The following GPHN variants were observed in gnomAD, a reference collection of about 807,000 sequenced individuals.
The protein encoded by GPHN is gephyrin.
GPHN carries 17 observed loss-of-function variants against 95.5 expected under a neutral mutation model. The ratio of observed to expected loss-of-function variants is 0.18; its 90% CI spans 0.12 to 0.27. GPHN has a LOEUF of 0.27. Ranked by LOEUF, GPHN falls within the 10% of genes least tolerant of loss-of-function variation. The probability of loss-of-function intolerance (pLI) is 1.00; values close to 1 mark genes in which losing one functional copy is unlikely to be tolerated. For missense variants in GPHN, 660 were observed against 978.1 expected, an observed-to-expected ratio of 0.67 and a Z score of 4.34; for synonymous variants, 320 against 322.5, an observed-to-expected ratio of 0.99 and a Z score of 0.08.
At chr14:67,071,804 A>T (rs1218461023) in intron 11 of GPHN, among the ~76,000 whole-genome samples, 2 of 152,070 alleles carry the variant, frequency 1.3e-5, no homozygotes, top group Non-Finnish European at 2.9e-5. Flanking sequence ...AGTATATTAT[A>T]AATAAAAAGT....
At chr14:67,517,961 T>C in the GPHN span, among the ~76,000 whole-genome samples, 18 of 152,162 alleles carry the variant, frequency 1.2e-4, no homozygotes, top group Admixed American at 1.1e-3. Flanking sequence ...GCTGTAGAAA[T>C]GGACTTTAAA....
At chr14:67,444,975 T>C in the GPHN span, among the ~76,000 whole-genome samples, 1 of 152,038 alleles carries the variant, frequency 6.6e-6, no homozygotes, top group Non-Finnish European at 1.5e-5. Context: ...TGGCCAAGTT[T>C]CTCTCGAACT....
At chr14:66,736,508 C>T (rs1240391176) in intron 2 of GPHN, among the ~76,000 whole-genome samples, 1 of 150,920 alleles carries the variant, frequency 6.6e-6, no homozygotes, top group East Asian at 1.9e-4. Flanking sequence ...AAGTGATTCT[C>T]CTGCCTCAGC....
chr14:66,591,622 A>G (rs907872481), intron 1 of GPHN, among the ~76,000 whole-genome samples: 5 of 152,246 alleles, frequency 3.3e-5, no homozygotes, highest in African/African-American at 1.2e-4. Flanking sequence ...CTCTTCAAGT[A>G]CAACTACAAA....
At chr14:67,135,162 G>T (rs2079996514) in intron 17 of GPHN, among the ~76,000 whole-genome samples, 1 of 151,858 alleles carries the variant, frequency 6.6e-6, no homozygotes, top group African/African-American at 2.4e-5. Context: ...GTTTCACCAT[G>T]TTGGCCAGGC....
At chr14:67,725,286 G>T in the GPHN span, 1 of 1,611,232 alleles carries the variant, frequency 6.2e-7, no homozygotes, top group African/African-American at 1.3e-5. Flanking sequence ...AGAAAAGCAG[G>T]AAATTGGGTA....
At chr14:67,323,808 C>CA in the GPHN span, 1 of 1,540,968 alleles carries the variant, frequency 6.5e-7, no homozygotes, top group Non-Finnish European at 8.9e-7. Flanking sequence ...GGCAAGAATC[C>CA]AAAGGTAAAG....
At chr14:67,506,162 G>T in the GPHN span, among the ~76,000 whole-genome samples, 2 of 152,202 alleles carry the variant, frequency 1.3e-5, no homozygotes, top group Admixed American at 1.3e-4. Flanking sequence ...AGTGACAAAG[G>T]AGTGGATGTA....
intron 9 of GPHN, among the ~76,000 whole-genome samples, chr14:67,022,474 A>G (rs1204516029): frequency 6.8e-6 from 1 of 148,144 alleles, no homozygotes; most frequent in Non-Finnish European, 1.5e-5. Flanking sequence ...TTTTCCTTCT[A>G]GTATGTTTAA....
intron 17 of GPHN, among the ~76,000 whole-genome samples, chr14:67,128,511 A>G (rs946279846): frequency 6.6e-6 from 1 of 152,348 alleles, no homozygotes; most frequent in Middle Eastern, 3.4e-3. Context: ...ATTGAATAGC[A>G]ACTGAACAAA....
chr14:66,907,540 T>C (rs2065445605), intron 5 of GPHN, among the ~76,000 whole-genome samples: 1 of 152,106 alleles, frequency 6.6e-6, no homozygotes, highest in African/African-American at 2.4e-5. Context: ...TCATAGAACT[T>C]TATCACAAGG....
the GPHN span, among the ~76,000 whole-genome samples, chr14:67,261,440 G>C: frequency 6.6e-6 from 1 of 152,086 alleles, no homozygotes; most frequent in South Asian, 2.1e-4. Context: ...AGTATGTTTA[G>C]GGATATTACA....
the GPHN span, among the ~76,000 whole-genome samples, chr14:67,684,080 A>ACT: frequency 2.6e-5 from 4 of 151,484 alleles, no homozygotes; most frequent in African/African-American, 7.3e-5. Flanking sequence ...ACTTTCTGAA[A>ACT]CTCTCTCTCT....
chr14:66,949,641 TG>T, intron 8 of GPHN, among the ~76,000 whole-genome samples: 1 of 152,202 alleles, frequency 6.6e-6, no homozygotes, highest in South Asian at 2.1e-4. Flanking sequence ...AGACTCACTC[TG>T]ATTATTGTAA....
Position 67,173,149 on chromosome 14 carries a change from C to A in GPHN, c.2079+4113C>A, listed in dbSNP as rs568422301. Among the ~76,000 whole-genome samples the A allele has an allele frequency of 4.6e-5, 7 of 152,284 alleles. No individual in the cohort carries two copies. In the South Asian group the frequency reaches 1.2e-3, roughly 27 times the overall value. ...ACTCAAAACTACCACAGGAAAAAAA[C>A]AAGCACCCCAAGACCCAGGTGCCAC... On this transcript the variant is annotated intron_variant, in intron 21 of 22. Transcript: ENST00000478722.
the GPHN span, among the ~76,000 whole-genome samples, chr14:67,669,270 ATTTTT>A: frequency 7.1e-6 from 1 of 139,982 alleles, no homozygotes; most frequent in Non-Finnish European, 1.5e-5. Flanking sequence ...CTTCTTCATA[ATTTTT>A]TTTTTTTTTT....
At chr14:66,583,648 T>C (rs1157368602) in intron 1 of GPHN, among the ~76,000 whole-genome samples, 2 of 152,188 alleles carry the variant, frequency 1.3e-5, no homozygotes, top group African/African-American at 4.8e-5. Context: ...AGGGAATCCT[T>C]TCCCCATTGC....
the GPHN span, among the ~76,000 whole-genome samples, chr14:67,656,760 G>C: frequency 6.6e-6 from 1 of 152,148 alleles, no homozygotes; most frequent in Non-Finnish European, 1.5e-5. Context: ...ACAGACTAAA[G>C]CAGGACCTGA....
At chr14:66,886,415 G>GAAAT (rs2064192387) in intron 5 of GPHN, among the ~76,000 whole-genome samples, 2 of 152,068 alleles carry the variant, frequency 1.3e-5, no homozygotes. Context: ...CATATTGTAG[G>GAAAT]CTAGTAAATC....
Sources: gnomAD v4.1 joint callset for allele counts (sites outside exome capture counted in the v4.1 genomes callset) on GRCh38, gnomAD v4.1.1 for gene constraint, MANE v1.5 for transcripts, NCBI Gene and HGNC (gene_info 2026-07-23, HGNC 2026-07-21) for gene names.